The following RFX7 variants were observed in gnomAD, a reference collection of about 807,000 sequenced individuals.
The protein encoded by RFX7 is regulatory factor X7.
Under a neutral mutation model 111.8 loss-of-function variants are expected in RFX7, and 26 were observed. The ratio of observed to expected loss-of-function variants is 0.23; its 90% CI spans 0.17 to 0.32. The LOEUF is 0.32. RFX7 is among the 10% of genes least tolerant of loss of function. RFX7 has a pLI of 1.00. For missense variants in RFX7, 1,573 were observed against 1,772.9 expected (o/e 0.89, Z 2.02); for synonymous variants, 624 against 624.4 (o/e 1.00, Z 0.01).
At chr15:56,098,909 A>G (rs910755524) in intron 8 of RFX7, among the ~76,000 whole-genome samples, 12 of 152,264 alleles carry the variant, frequency 7.9e-5, no homozygotes, top group African/African-American at 2.7e-4. Context: ...ATTCATGGAA[A>G]TAGGCACTAT....
intron 5 of RFX7, among the ~76,000 whole-genome samples, chr15:56,130,061 C>G (rs2042192608): frequency 6.6e-6 from 1 of 152,036 alleles, no homozygotes; most frequent in Non-Finnish European, 1.5e-5. Flanking sequence ...TTGTGTTAAT[C>G]CTAACATTTG....
intron 2 of RFX7, among the ~76,000 whole-genome samples, chr15:56,219,355 T>G (rs986989114): frequency 6.6e-6 from 1 of 152,224 alleles, no homozygotes; most frequent in Admixed American, 6.5e-5. Context: ...CATCCTTTTA[T>G]ATTTATTGTA....
At chr15:56,131,799 G>T (rs1310249331) in intron 5 of RFX7, among the ~76,000 whole-genome samples, 1 of 152,118 alleles carries the variant, frequency 6.6e-6, no homozygotes, top group Admixed American at 6.6e-5. Context: ...TCTATTAAAT[G>T]TAATAACAAA....
chr15:56,135,005 G>A lies in RFX7; in HGVS notation c.401+7773C>T, dbSNP rs371442659. On this transcript the variant is annotated intron_variant, in intron 5 of 9. Coordinates refer to ENST00000559447, the MANE Select transcript of RFX7 (RefSeq NM_022841.7). ...TATATGTGCCACATTTTCTTAATCC[G>A]GTCTATCATTGTTGGACATTTGGGT... 3.5e-3 allele frequency among the ~76,000 whole-genome samples: 536 copies of A among 151,952 alleles called. 3 individuals carry two copies. Among genetic ancestry groups the A allele is most frequent in the African/African-American group, 0.011 (444 of 41,424 alleles).
chr15:56,147,163 G>A (rs1253687576), intron 3 of RFX7, among the ~76,000 whole-genome samples: 1 of 152,034 alleles, frequency 6.6e-6, no homozygotes, highest in Non-Finnish European at 1.5e-5. Flanking sequence ...TCCTTTGGCT[G>A]GATTTATAAA....
At chr15:56,098,430 A>G in intron 8 of RFX7, 54 bp from the exon 9 acceptor site, 5 of 1,494,938 alleles carry the variant, frequency 3.3e-6, no homozygotes, top group South Asian at 1.3e-5. Flanking sequence ...TATAGAAGGG[A>G]GGTTCCTTTG....
chr15:56,099,990 T>A (rs2041731317), intron 8 of RFX7, among the ~76,000 whole-genome samples: 1 of 152,188 alleles, frequency 6.6e-6, no homozygotes, highest in Admixed American at 6.5e-5. Context: ...CTTCATCTGT[T>A]GATGTACTCT....
intron 3 of RFX7, among the ~76,000 whole-genome samples, chr15:56,177,408 A>G (rs189977833): frequency 6.6e-6 from 1 of 152,116 alleles, no homozygotes; most frequent in Admixed American, 6.6e-5. Flanking sequence ...TTTAATGTCT[A>G]CCTCACCCAA....
chr15:56,158,253 T>C (rs1004632886), intron 3 of RFX7, among the ~76,000 whole-genome samples: 18 of 152,158 alleles, frequency 1.2e-4, no homozygotes, highest in African/African-American at 4.3e-4. Flanking sequence ...CTCATTAGCT[T>C]TGTAATATTA....
chr15:56,141,446 A>G (rs1430825896), intron 5 of RFX7, among the ~76,000 whole-genome samples: 1 of 151,706 alleles, frequency 6.6e-6, no homozygotes, highest in African/African-American at 2.4e-5. Flanking sequence ...AGATGAACCA[A>G]CTGACAAAGA....
In RFX7 at chr15:56,088,738, G is replaced by A. The variant is rs2041558660; in HGVS notation, c.*4607C>T. ...AAGTTTGGTCTTTTCTTATGCTGTA[G>A]GAGCTGAGGCAACTTGCATTTGTGA... On this transcript the variant is annotated 3_prime_UTR_variant, in exon 10 of 10. Transcript: ENST00000559447. The A allele has an allele frequency of 6.6e-6, 1 of 152,134 alleles. No homozygotes were observed. The highest frequency in any genetic ancestry group is 2.1e-4 in the South Asian group (1 of 4,816). 9.4% of individuals were successfully genotyped at this position (152,134 alleles called of 1,614,324 possible). A position where few individuals can be genotyped will look rare whatever the true frequency, so the allele number is the denominator to read the frequency against.
intron 2 of RFX7, among the ~76,000 whole-genome samples, chr15:56,224,396 T>C (rs2043458536): frequency 6.6e-6 from 1 of 151,946 alleles, no homozygotes; most frequent in Non-Finnish European, 1.5e-5. Context: ...GTATCATCAC[T>C]CCCAACATTA....
At chr15:56,125,802 C>G (rs1288421728) in intron 5 of RFX7, among the ~76,000 whole-genome samples, 2 of 152,082 alleles carry the variant, frequency 1.3e-5, no homozygotes, top group Non-Finnish European at 2.9e-5. Flanking sequence ...GGATACAAAT[C>G]CCAGTATATG....
At chr15:56,217,906 C>T (rs572584627) in intron 2 of RFX7, among the ~76,000 whole-genome samples, 12 of 151,924 alleles carry the variant, frequency 7.9e-5, no homozygotes, top group Non-Finnish European at 1.3e-4. Flanking sequence ...GGGAGACTGG[C>T]GAAAACCCAG....
Position 56,095,484 on chromosome 15 carries a change from T to G in RFX7, c.2244A>C (p.Thr748=), listed in dbSNP as rs766305609. The change falls in exon 10 of 10, where the codon ACA becomes ACC. Residue 748 remains threonine (T), a synonymous_variant. Transcript: ENST00000559447. ...TTATATCTGGAGATGATGATGGGGT[T>G]GTTTGCTGTTCCAAAGCTGAATCAC... ...VISDSALEQQ[T]TPSSSPDIKV... 6.2e-7 allele frequency: 1 copy of G among 1,612,700 alleles called. No individual in the cohort carries two copies.
rs2042767094 is a variant in RFX7 at position 56,165,050 on chromosome 15, ATTAG to A, written c.195+14216_195+14219del. On this transcript the variant is annotated intron_variant, in intron 3 of 9. Coordinates refer to ENST00000559447, the MANE Select transcript of RFX7 (RefSeq NM_022841.7). ...AACTGTTCCACTTAGACCATTAGGC[ATTAG>A]TTAGATTTTCATAAGGCACGTATAA... is the stretch of plus-strand genomic sequence containing the variant. Among the ~76,000 whole-genome samples the A allele has an allele frequency of 3.3e-5, 5 of 152,180 alleles. No homozygotes were observed. The South Asian group carries it at 1.0e-3, about 32-fold the overall frequency.
chr15:56,207,900 T>C (rs2043271023), intron 2 of RFX7, among the ~76,000 whole-genome samples: 7 of 152,148 alleles, frequency 4.6e-5, no homozygotes, highest in Admixed American at 4.6e-4. Flanking sequence ...ATGCAGAGAA[T>C]TGTAGCTTGC....
chr15:56,226,097 CA>C (rs2043480905), intron 2 of RFX7, among the ~76,000 whole-genome samples: 1 of 151,960 alleles, frequency 6.6e-6, no homozygotes, highest in Non-Finnish European at 1.5e-5. Flanking sequence ...GACAGGGAGA[CA>C]AAATAGGAGG....
intron 2 of RFX7, among the ~76,000 whole-genome samples, chr15:56,232,383 G>C (rs1212679008): frequency 6.6e-6 from 1 of 152,166 alleles, no homozygotes; most frequent in Admixed American, 6.5e-5. Context: ...CAAGTCTCTA[G>C]GTTGCAAAGA....
Sources: allele counts gnomAD v4.1 joint callset (sites outside exome capture counted in the v4.1 genomes callset), GRCh38; gene constraint gnomAD v4.1.1; transcripts MANE v1.5; gene names NCBI Gene and HGNC (gene_info 2026-07-23, HGNC 2026-07-21).